TANC2: variants seen among roughly 807,000 people sequenced by gnomAD.
The protein encoded by TANC2 is protein TANC2.
In TANC2, 26 loss-of-function variants were observed where a neutral mutation model predicts 210.5. The observed-to-expected ratio is 0.12, with a 90% CI of 0.09 to 0.17. The LOEUF (loss-of-function observed/expected upper bound fraction) is 0.17. Among genes scored for constraint, TANC2 ranks in the 10% least tolerant of loss-of-function variants. The pLI is 1.00. For missense variants in TANC2, 2,129 were observed against 2,608.9 expected, an observed-to-expected ratio of 0.82 and a Z score of 4.01; for synonymous variants, 931 against 967.1, an observed-to-expected ratio of 0.96 and a Z score of 0.69.
intron 19 of TANC2, among the ~76,000 whole-genome samples, chr17:63,400,444 G>C (rs904609280): frequency 6.6e-6 from 1 of 151,992 alleles, no homozygotes; most frequent in Non-Finnish European, 1.5e-5. Flanking sequence ...ATTCCTTAAA[G>C]TATACAATAA....
At chr17:63,127,074 T>C (rs2038738573) in intron 4 of TANC2, among the ~76,000 whole-genome samples, 2 of 152,224 alleles carry the variant, frequency 1.3e-5, no homozygotes. Flanking sequence ...AATGGACAGA[T>C]TTAGCTTGTC....
intron 2 of TANC2, among the ~76,000 whole-genome samples, chr17:63,061,338 G>T (rs1198815616): frequency 2.6e-5 from 4 of 151,252 alleles, no homozygotes; most frequent in Non-Finnish European, 4.5e-5. Flanking sequence ...TTGCTCTCCA[G>T]CCTGGGTGAC....
At chr17:63,199,260 A>G (rs2041449657) in intron 6 of TANC2, among the ~76,000 whole-genome samples, 1 of 152,168 alleles carries the variant, frequency 6.6e-6, no homozygotes, top group Non-Finnish European at 1.5e-5. Flanking sequence ...TTAACATTTA[A>G]AGATGTTAAA....
chr17:63,392,863 CA>C (rs370151021), intron 17 of TANC2, among the ~76,000 whole-genome samples: 14 of 149,176 alleles, frequency 9.4e-5, no homozygotes, highest in Non-Finnish European at 1.8e-4. Flanking sequence ...CTCTTGTAGG[CA>C]AAAAAAAATG....
chr17:63,342,393 G>A (rs888961303), intron 12 of TANC2, among the ~76,000 whole-genome samples: 1 of 152,096 alleles, frequency 6.6e-6, no homozygotes, highest in African/African-American at 2.4e-5. Flanking sequence ...CTTGAACATA[G>A]TAGGCATTTT....
At chr17:62,975,762 G>C (rs964188402) in intron 1 of TANC2, among the ~76,000 whole-genome samples, 1 of 151,872 alleles carries the variant, frequency 6.6e-6, no homozygotes, top group African/African-American at 2.4e-5. Flanking sequence ...AATTGTATGA[G>C]GGGCCAAAAA....
intron 2 of TANC2, among the ~76,000 whole-genome samples, chr17:63,060,343 G>T (rs187172235): frequency 1.3e-5 from 2 of 152,346 alleles, no homozygotes; most frequent in African/African-American, 4.8e-5. Flanking sequence ...CGTTTGGGCT[G>T]GGCGTGGTGG....
At chr17:63,422,692 G>A (rs1044327595) in exon 28 of TANC2, 2 of 152,164 alleles carry the variant, frequency 1.3e-5, no homozygotes, top group Non-Finnish European at 2.9e-5. Flanking sequence ...GAGAATTGTG[G>A]CTATTAAGAG....
intron 1 of TANC2, among the ~76,000 whole-genome samples, chr17:62,989,747 CAT>C (rs2032758545): frequency 6.8e-6 from 1 of 146,998 alleles, no homozygotes; most frequent in African/African-American, 2.5e-5. Flanking sequence ...CTGCAAAGCT[CAT>C]AGAATAAAAA....
chr17:63,076,687 T>C (rs560102049), intron 3 of TANC2, among the ~76,000 whole-genome samples: 1 of 152,214 alleles, frequency 6.6e-6, no homozygotes, highest in South Asian at 2.1e-4. Context: ...ATAGAACTAT[T>C]ATCCCCAGAA....
At chr17:63,103,405 T>C (rs2037705903) in intron 4 of TANC2, among the ~76,000 whole-genome samples, 1 of 152,188 alleles carries the variant, frequency 6.6e-6, no homozygotes, top group African/African-American at 2.4e-5. Flanking sequence ...TGAAAACTAA[T>C]TTTTAAATGT....
chr17:63,067,358 AT>A (rs1200281902), intron 2 of TANC2, among the ~76,000 whole-genome samples: 1 of 152,184 alleles, frequency 6.6e-6, no homozygotes, highest in Admixed American at 6.5e-5. Context: ...GGGTGAAATA[AT>A]GAAGGAAACC....
At chr17:63,416,210 C>T (rs2048855825) in intron 26 of TANC2, among the ~76,000 whole-genome samples, 1 of 152,134 alleles carries the variant, frequency 6.6e-6, no homozygotes, top group Admixed American at 6.5e-5. Context: ...CAGAACTCCC[C>T]CTGGACCTTT....
At chr17:63,193,815 A>T in intron 5 of TANC2, 176 bp from the exon 6 acceptor site, 1 of 577,996 alleles carries the variant, frequency 1.7e-6, no homozygotes, top group Non-Finnish European at 2.6e-6. Flanking sequence ...TAAATTTTTT[A>T]CTTGGAAGCG....
chr17:63,335,454 T>C (rs943875377), intron 11 of TANC2, among the ~76,000 whole-genome samples: 2 of 151,532 alleles, frequency 1.3e-5, no homozygotes, highest in African/African-American at 4.9e-5. Context: ...CTACTAAAAA[T>C]ACAGAAAAAT....
chr17:63,348,141 T>C (rs1555637945), intron 12 of TANC2, among the ~76,000 whole-genome samples: 2 of 152,178 alleles, frequency 1.3e-5, no homozygotes, highest in South Asian at 2.1e-4. Flanking sequence ...AACAAAGATA[T>C]TGTCTGATAT....
At chr17:63,028,877 A>C (rs570200359) in intron 2 of TANC2, among the ~76,000 whole-genome samples, 14 of 152,224 alleles carry the variant, frequency 9.2e-5, no homozygotes, top group African/African-American at 3.4e-4. Context: ...AAAAAAAGGG[A>C]AAAAGGAAAA....
At chr17:63,380,646 C>A (rs1275383170) in intron 15 of TANC2, among the ~76,000 whole-genome samples, 1 of 152,176 alleles carries the variant, frequency 6.6e-6, no homozygotes, top group Non-Finnish European at 1.5e-5. Flanking sequence ...TTTCCTGCCT[C>A]AGGATGGAGA....
chr17:63,061,486 A>C (rs2035994589), intron 2 of TANC2, among the ~76,000 whole-genome samples: 1 of 152,194 alleles, frequency 6.6e-6, no homozygotes, highest in South Asian at 2.1e-4. Flanking sequence ...CATTGATCTA[A>C]GTTGATAATG....
Sources: allele counts gnomAD v4.1 joint callset (sites outside exome capture counted in the v4.1 genomes callset), GRCh38; gene constraint gnomAD v4.1.1; transcripts MANE v1.5; gene names NCBI Gene and HGNC (gene_info 2026-07-23, HGNC 2026-07-21).